XIRP2: variants seen among roughly 807,000 people sequenced by gnomAD.
The protein encoded by XIRP2 is xin actin-binding repeat-containing protein 2.
XIRP2 carries 236 observed loss-of-function variants against 277.0 expected under a neutral mutation model. That is an observed-to-expected ratio of 0.85 (90% confidence interval 0.77 to 0.95). The LOEUF (loss-of-function observed/expected upper bound fraction) is 0.95, where lower values mean the gene tolerates loss of function less well. XIRP2 is among the 40% of genes least tolerant of loss of function. The pLI is 0.00. For missense variants in XIRP2, 4,640 were observed against 4,157.5 expected (o/e 1.12, Z -3.19); for synonymous variants, 1,490 against 1,416.5 (o/e 1.05, Z -1.17).
chr2:167,037,904 T>C (rs1230729226), intron 2 of XIRP2, among the ~76,000 whole-genome samples: 4 of 152,032 alleles, frequency 2.6e-5, no homozygotes, highest in Admixed American at 6.6e-5. Context: ...TGATAATTTC[T>C]TTTTAATAAT....
rs545111895 is a variant in XIRP2 at position 167,211,039 on chromosome 2, A to G, written c.723+144A>G. ...AAAATAGTGTGTGAAATAAATCCAG[A>G]CTATCTGAATTTAAGTTTCAACTGT... On this transcript the variant is annotated intron_variant, in intron 4 of 10. Transcript: ENST00000409195. 63 of 1,011,688 alleles carry G rather than the reference A, an allele frequency of 6.2e-5. No individual in the cohort carries two copies. The Admixed American group carries it at 1.7e-3, about 27-fold the overall frequency. 62.7% of individuals were successfully genotyped at this position (1,011,688 alleles called of 1,614,324 possible).
At position 167,218,291 on chromosome 2, in the gene XIRP2, A is replaced by G. The variant is rs1426435720; in HGVS notation, c.849A>G (p.Arg283=). 1 of 1,563,434 alleles carries G rather than the reference A, an allele frequency of 6.4e-7. No individual in the cohort carries two copies. Among genetic ancestry groups the G allele is most frequent in the Non-Finnish European group, 8.7e-7 (1 of 1,154,596 alleles). Residue 283 remains arginine, a synonymous_variant, in exon 5 of 11, where the codon AGA becomes AGG. Coordinates refer to ENST00000409195, the MANE Select transcript of XIRP2 (RefSeq NM_152381.6). ...FAQYQYQHQN[R]SEQEAIHSSQ... ...AATACCAATATCAACATCAGAACAG[A>G]TCTGAGCAGGTAATACTACTACAGG...
At chr2:167,159,431 T>C (rs1301475084) in intron 3 of XIRP2, among the ~76,000 whole-genome samples, 1 of 152,230 alleles carries the variant, frequency 6.6e-6, no homozygotes, top group Non-Finnish European at 1.5e-5. Context: ...TTGTCACAAC[T>C]ACACTACAAG....
chr2:167,015,529 A>G (rs1229709406), intron 2 of XIRP2, among the ~76,000 whole-genome samples: 3 of 151,718 alleles, frequency 2.0e-5, no homozygotes, highest in Admixed American at 1.3e-4. Context: ...AGATGAAGGA[A>G]TTGAGTTTGA....
chr2:167,250,072 C>G lies in XIRP2; in HGVS notation c.8680C>G (p.Gln2894Glu). The change falls in exon 9 of 11, where the codon CAG becomes GAG. Residue 2894 changes from glutamine to glutamate, a missense_variant. Coordinates refer to ENST00000409195, the MANE Select transcript of XIRP2 (RefSeq NM_152381.6). ...ATTGCCCCAGCCATATAATAGTCTGCAGGAAGAAAAATGTCTCGAAGTCAA... is the reference window on the plus strand; with the variant it reads ...ATTGCCCCAGCCATATAATAGTCTGGAGGAAGAAAAATGTCTCGAAGTCAA... Reference protein sequence around the residue: ...KKLPQPYNSLQEEKCLEVKGI... With the variant: ...KKLPQPYNSLEEEKCLEVKGI... 2.5e-6 allele frequency: 4 copies of G among 1,613,476 alleles called. No individual in the cohort carries two copies. The Admixed American group carries it at 6.7e-5, about 27-fold the overall frequency.
intron 2 of XIRP2, among the ~76,000 whole-genome samples, chr2:167,045,686 A>G (rs1688768395): frequency 6.6e-6 from 1 of 152,118 alleles, no homozygotes. Flanking sequence ...ACAATGAGAT[A>G]CCATCCCACA....
chr2:167,213,558 G>A (rs1477216465), intron 4 of XIRP2, among the ~76,000 whole-genome samples: 1 of 152,118 alleles, frequency 6.6e-6, no homozygotes, highest in Non-Finnish European at 1.5e-5. Flanking sequence ...TTATTGCTGA[G>A]CCAAATAATA....
chr2:167,011,727 T>C (rs986510206), intron 2 of XIRP2, among the ~76,000 whole-genome samples: 5 of 151,828 alleles, frequency 3.3e-5, no homozygotes, highest in Admixed American at 6.6e-5. Context: ...TGGTAAGCTA[T>C]TGATTATTGC....
At chr2:167,158,122 G>A (rs1692256121) in intron 3 of XIRP2, among the ~76,000 whole-genome samples, 1 of 152,206 alleles carries the variant, frequency 6.6e-6, no homozygotes, top group South Asian at 2.1e-4. Flanking sequence ...CAAATTGTAT[G>A]TGTCTTCTCA....
chr2:166,981,454 C>T (rs1686867797), intron 2 of XIRP2, among the ~76,000 whole-genome samples: 1 of 150,866 alleles, frequency 6.6e-6, no homozygotes, highest in Non-Finnish European at 1.5e-5. Context: ...TGGAGTCTTT[C>T]TCTGTCTCCC....
chr2:167,202,158 A>G (rs1275969549), intron 3 of XIRP2, among the ~76,000 whole-genome samples: 1 of 152,178 alleles, frequency 6.6e-6, no homozygotes, highest in East Asian at 1.9e-4. Flanking sequence ...TGCACACTCT[A>G]CAGGCATTTG....
In XIRP2 at chr2:166,945,196, G is replaced by A. The variant is rs1294251360; in HGVS notation, c.408+41306G>A. 3.3e-5 allele frequency among the ~76,000 whole-genome samples: 5 copies of A among 152,188 alleles called. No homozygotes were observed. In the South Asian group the frequency reaches 1.0e-3, roughly 31 times the overall value. ...GGAATATAGTAGGTTACCAAAGTAA[G>A]GAGTATGAGAAAGTCTTCTGGGCAG... On this transcript the variant is annotated intron_variant, in intron 2 of 10. Transcript: ENST00000409195.
At chr2:167,011,413 G>A (rs1687676270) in intron 2 of XIRP2, among the ~76,000 whole-genome samples, 1 of 150,630 alleles carries the variant, frequency 6.6e-6, no homozygotes, top group Non-Finnish European at 1.5e-5. Context: ...TGCATCCCAG[G>A]GATGAAGCCC....
chr2:166,914,235 T>C (rs1230618675), intron 2 of XIRP2, among the ~76,000 whole-genome samples: 1 of 152,172 alleles, frequency 6.6e-6, no homozygotes, highest in Non-Finnish European at 1.5e-5. Context: ...CGCAAGGAAA[T>C]GGATGCTCCC....
intron 2 of XIRP2, among the ~76,000 whole-genome samples, chr2:167,128,069 T>C (rs1311146754): frequency 6.6e-6 from 1 of 152,202 alleles, no homozygotes; most frequent in African/African-American, 2.4e-5. Flanking sequence ...ACATTCACCC[T>C]GTTTTATCAA....
intron 2 of XIRP2, among the ~76,000 whole-genome samples, chr2:167,088,867 C>T (rs754227952): frequency 6.6e-6 from 1 of 152,166 alleles, no homozygotes; most frequent in Non-Finnish European, 1.5e-5. Flanking sequence ...CAAGATAGAT[C>T]ACATTTTCAT....
At chr2:167,112,294 T>G (rs1159948218) in intron 2 of XIRP2, among the ~76,000 whole-genome samples, 1 of 151,948 alleles carries the variant, frequency 6.6e-6, no homozygotes, top group Non-Finnish European at 1.5e-5. Flanking sequence ...ATGTGGGCAT[T>G]AGTGTTATAA....
rs1313659629 is a variant in XIRP2 at position 166,903,708 on chromosome 2, G to T, written c.226G>T (p.Glu76Ter). 4 of 1,613,686 alleles carry T rather than the reference G, an allele frequency of 2.5e-6. No individual in the cohort carries two copies. The highest frequency in any genetic ancestry group is 3.4e-6 in the Non-Finnish European group (4 of 1,179,802). The part of the protein sequence containing the change: ...TGEEMWSSKP[E>*]EKDSVDKSNN... ...GGAAGAGATGTGGAGTTCGAAGCCG[G>T]AAGAGAAGGATTCTGTGGACAAGAG... Residue 76 changes from glutamate to a stop codon, truncating the protein, a stop_gained, in exon 2 of 11, where the codon GAA (glutamate) becomes TAA (stop). Coordinates refer to ENST00000409195, the MANE Select transcript of XIRP2 (RefSeq NM_152381.6). LOFTEE classifies it high-confidence loss of function.
Position 167,026,308 on chromosome 2 carries a change from G to A in XIRP2, c.409-109601G>A, listed in dbSNP as rs190602344. 5.8e-3 allele frequency among the ~76,000 whole-genome samples: 880 copies of A among 152,010 alleles called. 9 individuals carry two copies. The highest frequency in any genetic ancestry group is 0.02 in the African/African-American group (842 of 41,476). Reference sequence around the variant, plus strand: ...CCTTTTTTTGTTTTCCATTTGCTTGGTAGATCTTCCTCCATCCTTTTATTT... The same window carrying A: ...CCTTTTTTTGTTTTCCATTTGCTTGATAGATCTTCCTCCATCCTTTTATTT... On this transcript the variant is annotated intron_variant, in intron 2 of 10. Transcript: ENST00000409195.
Sources: allele counts gnomAD v4.1 joint callset (sites outside exome capture counted in the v4.1 genomes callset), GRCh38; gene constraint gnomAD v4.1.1; transcripts MANE v1.5; gene names NCBI Gene and HGNC (gene_info 2026-07-23, HGNC 2026-07-21).